Variants in CFAP54 observed in about 807,000 individuals in gnomAD.
CFAP54 encodes cilia and flagella associated protein 54.
Under a neutral mutation model 370.4 loss-of-function variants are expected in CFAP54, and 290 were observed. That is an observed-to-expected ratio of 0.78 (90% CI 0.71 to 0.86). CFAP54 has a LOEUF of 0.86. CFAP54 is among the 40% of genes least tolerant of loss of function. The probability of loss-of-function intolerance (pLI) is 0.00; values close to 1 mark genes in which losing one functional copy is unlikely to be tolerated. For synonymous variants in CFAP54, 1,206 were observed against 1,236.5 expected (o/e 0.98, Z 0.52); for missense variants, 3,399 against 3,528.7 (o/e 0.96, Z 0.93).
At chr12:96,869,790 C>CGTATTT (rs1364360546) in intron 67 of CFAP54, among the ~76,000 whole-genome samples, 1 of 151,576 alleles carries the variant, frequency 6.6e-6, no homozygotes, top group African/African-American at 2.4e-5. Flanking sequence ...ACAAAATTTG[C>CGTATTT]TGGGTGTGGT....
At chr12:96,822,430 C>T (rs1363622544) in intron 65 of CFAP54, among the ~76,000 whole-genome samples, 1 of 152,166 alleles carries the variant, frequency 6.6e-6, no homozygotes, top group African/African-American at 2.4e-5. Context: ...TATTAAAGTA[C>T]TGTGAGAACA....
chr12:96,807,516 GT>G (rs1415013375), intron 63 of CFAP54, among the ~76,000 whole-genome samples: 1 of 152,140 alleles, frequency 6.6e-6, no homozygotes, highest in African/African-American at 2.4e-5. Flanking sequence ...AGTCCTCAGT[GT>G]TTTTCAAAAC....
At chr12:96,831,691 C>G (rs1397815125) in intron 66 of CFAP54, among the ~76,000 whole-genome samples, 1 of 152,126 alleles carries the variant, frequency 6.6e-6, no homozygotes, top group East Asian at 1.9e-4. Context: ...CCCATTAGCT[C>G]ATTAGCTTCC....
chr12:96,624,498 A>G (rs1183424395), intron 28 of CFAP54, among the ~76,000 whole-genome samples: 1 of 152,256 alleles, frequency 6.6e-6, no homozygotes, highest in African/African-American at 2.4e-5. Context: ...TAATTTCATA[A>G]TAAACCAATG....
intron 26 of CFAP54, among the ~76,000 whole-genome samples, chr12:96,611,770 G>A (rs550542213): frequency 6.6e-6 from 1 of 152,264 alleles, no homozygotes; most frequent in Admixed American, 6.5e-5. Context: ...TTGATCAACT[G>A]GATTGAAGTT....
chr12:96,756,517 T>A lies in CFAP54; in HGVS notation c.7900T>A (p.Leu2634Ile), dbSNP rs1168907105. 3 of 1,606,054 alleles carry A rather than the reference T, an allele frequency of 1.9e-6. No homozygotes were observed. Among genetic ancestry groups the A allele is most frequent in the Non-Finnish European group, 2.5e-6 (3 of 1,176,858 alleles). Reference sequence around the variant, plus strand: ...ATCTCCAAGTTTTCAACTTGAGAGTTTATATGAAGCTATACAACTAAGCCT... The same window carrying A: ...ATCTCCAAGTTTTCAACTTGAGAGTATATATGAAGCTATACAACTAAGCCT... ...EKSPSFQLES[L>I]YEAIQLSLKN... is the part of the protein sequence containing the mutation. The change falls in exon 57 of 68, where the codon TTA becomes ATA. Residue 2634 changes from leucine (L) to isoleucine (I), a missense_variant. Coordinates refer to ENST00000524981, the MANE Select transcript of CFAP54 (RefSeq NM_001306084.2).
intron 55 of CFAP54, among the ~76,000 whole-genome samples, chr12:96,749,571 C>G (rs1958160116): frequency 6.6e-6 from 1 of 150,860 alleles, no homozygotes; most frequent in South Asian, 2.1e-4. Context: ...GATCTGTCTT[C>G]TAAGTCTATT....
At chr12:96,650,645 T>C (rs920164388) in intron 35 of CFAP54, among the ~76,000 whole-genome samples, 40 of 152,302 alleles carry the variant, frequency 2.6e-4, no homozygotes, top group South Asian at 6.2e-4. Flanking sequence ...AATCAGTTTC[T>C]TTTTTTCACA....
At chr12:96,759,360 T>C (rs1041958882) in intron 58 of CFAP54, among the ~76,000 whole-genome samples, 1 of 152,022 alleles carries the variant, frequency 6.6e-6, no homozygotes, top group Non-Finnish European at 1.5e-5. Flanking sequence ...GATGATAATA[T>C]ATCAGCTTTC....
In CFAP54 at chr12:96,800,177, T is replaced by C. The variant is rs145610025; in HGVS notation, c.8850+7678T>C. On this transcript the variant is annotated intron_variant, in intron 63 of 67. Coordinates refer to ENST00000524981, the MANE Select transcript of CFAP54 (RefSeq NM_001306084.2). ...ATTACAAGGGCAGTTTGCGGCAGGA[T>C]AATTTGAGATGTCTGTATGCTGCTA... Among the ~76,000 whole-genome samples, 849 of 152,284 alleles carry C rather than the reference T, an allele frequency of 5.6e-3. 12 individuals are homozygous for C. The highest frequency in any genetic ancestry group is 0.019 in the African/African-American group (808 of 41,566).
intron 32 of CFAP54, among the ~76,000 whole-genome samples, chr12:96,633,448 A>G (rs1956630111): frequency 6.6e-6 from 1 of 152,224 alleles, no homozygotes; most frequent in African/African-American, 2.4e-5. Flanking sequence ...TATTTGGATT[A>G]CAGCAAGTTT....
At chr12:96,647,488 A>AAAAAAAAAAAAAAAAAAAAAAAAAAAAC (rs1956809084) in intron 33 of CFAP54, among the ~76,000 whole-genome samples, 1 of 148,952 alleles carries the variant, frequency 6.7e-6, no homozygotes, top group Non-Finnish European at 1.5e-5. Context: ...AAAAAAAAAA[A>AAAAAAAAAAAAAAAAAAAAAAAAAAAAC]AAAAAAAAGA....
chr12:96,749,467 A>G (rs9805044), intron 55 of CFAP54, among the ~76,000 whole-genome samples: 131,125 of 152,276 alleles, frequency 0.86, 56,874 homozygotes, highest in African/African-American at 0.96. Flanking sequence ...TTACTTGATA[A>G]GATTGTTAAG....
chr12:96,596,603 G>A (rs893096445), intron 25 of CFAP54, among the ~76,000 whole-genome samples: 17 of 151,984 alleles, frequency 1.1e-4, no homozygotes, highest in Non-Finnish European at 1.8e-4. Flanking sequence ...GTAAAATAAA[G>A]CAAAAACTTT....
intron 9 of CFAP54, among the ~76,000 whole-genome samples, chr12:96,532,444 T>A (rs1955448911): frequency 6.6e-6 from 1 of 152,184 alleles, no homozygotes; most frequent in Admixed American, 6.5e-5. Flanking sequence ...CTTCTCTTCC[T>A]AAGAAAAATA....
intron 62 of CFAP54, among the ~76,000 whole-genome samples, chr12:96,791,515 T>C (rs1958693456): frequency 6.6e-6 from 1 of 152,164 alleles, no homozygotes; most frequent in Non-Finnish European, 1.5e-5. Flanking sequence ...AACTTACAAA[T>C]CAGCCACATT....
At chr12:96,827,768 T>C (rs1190529528) in intron 65 of CFAP54, among the ~76,000 whole-genome samples, 1 of 59,434 alleles carries the variant, frequency 1.7e-5, no homozygotes, top group Admixed American at 2.3e-4. Flanking sequence ...ACATATTATA[T>C]TATATATAGT....
intron 65 of CFAP54, among the ~76,000 whole-genome samples, chr12:96,824,688 A>G (rs2136746729): frequency 6.6e-6 from 1 of 152,200 alleles, no homozygotes; most frequent in East Asian, 1.9e-4. Context: ...TTTTAGACCC[A>G]TAGAAGCTGG....
chr12:96,598,648 C>A lies in CFAP54; in HGVS notation c.3520C>A (p.Leu1174Met). ...NIVLVPVVQI[L>M]IKCIVVLQGL... Reference sequence around the variant, plus strand: ...TCATTGTGATTCTAATTTTTAGATCCTGATAAAGTGTATAGTGGTTTTGCA... The same window carrying A: ...TCATTGTGATTCTAATTTTTAGATCATGATAAAGTGTATAGTGGTTTTGCA... The change falls in exon 26 of 68, where the codon CTG becomes ATG. Residue 1174 changes from leucine (L) to methionine (M), a missense_variant. Around this residue, in one of 3 missense-constraint regions of CFAP54, gnomAD observed 2,796 missense variants for 2,869.7 expected, o/e 0.97. Transcript: ENST00000524981. The A allele has an allele frequency of 1.6e-6, 1 of 616,112 alleles. No homozygotes were observed. The highest frequency in any genetic ancestry group is 1.8e-5 in the African/African-American group (1 of 54,744). 38.2% of individuals were successfully genotyped at this position (616,112 alleles called of 1,614,324 possible). A position where few individuals can be genotyped will look rare whatever the true frequency, so the allele number is the denominator to read the frequency against.
Sources: gnomAD v4.1 joint callset for allele counts (sites outside exome capture counted in the v4.1 genomes callset) on GRCh38, gnomAD v4.1.1 for gene constraint, gnomAD v4.1.1 regional missense constraint, MANE v1.5 for transcripts, NCBI Gene and HGNC (gene_info 2026-07-23, HGNC 2026-07-21) for gene names.